PCDHA8: variants seen among roughly 807,000 people sequenced by gnomAD.
PCDHA8 encodes protocadherin alpha-8.
Under a neutral mutation model 61.8 loss-of-function variants are expected in PCDHA8, and 53 were observed. The ratio of observed to expected loss-of-function variants is 0.86; its 90% CI spans 0.69 to 1.08. The LOEUF (loss-of-function observed/expected upper bound fraction) is 1.08. Ranked by LOEUF, PCDHA8 falls within the 50% of genes least tolerant of loss-of-function variation. The pLI is 0.00. For missense variants in PCDHA8, 1,293 were observed against 1,245.0 expected, an observed-to-expected ratio of 1.04 and a Z score of -0.58; for synonymous variants, 618 against 556.6, an observed-to-expected ratio of 1.11 and a Z score of -1.55.
intron 3 of PCDHA8, among the ~76,000 whole-genome samples, chr5:140,983,886 T>C (rs1280409622): frequency 1.3e-5 from 2 of 152,206 alleles, no homozygotes; most frequent in Non-Finnish European, 2.9e-5. Flanking sequence ...CTGGCAACTT[T>C]AAGGGCATTC....
chr5:140,907,365 G>A (rs782137145), intron 1 of PCDHA8, among the ~76,000 whole-genome samples: 20 of 152,178 alleles, frequency 1.3e-4, no homozygotes, highest in African/African-American at 2.4e-4. Flanking sequence ...TTCTTTAGTC[G>A]TAAAGTGAGT....
chr5:140,877,285 G>T lies in PCDHA8; in HGVS notation c.2394+33570G>T, dbSNP rs76220347. 4.6e-3 allele frequency: 7,403 copies of T among 1,613,898 alleles called. 23 individuals carry two copies. Among genetic ancestry groups the T allele is most frequent in the Middle Eastern group, 7.1e-3 (43 of 6,038 alleles). ...GGTGGACGCTGACTCCGGCTATAAC[G>T]CTTGGCTGTCCTACGAGTTGCAACC... On this transcript the variant is annotated intron_variant, in intron 1 of 3. Coordinates refer to ENST00000531613, the MANE Select transcript of PCDHA8 (RefSeq NM_018911.3).
chr5:140,986,625 C>T (rs1312536887), intron 3 of PCDHA8, among the ~76,000 whole-genome samples: 2 of 152,122 alleles, frequency 1.3e-5, no homozygotes, highest in African/African-American at 4.8e-5. Flanking sequence ...TTACCTAAGG[C>T]AACAGTACAT....
intron 1 of PCDHA8, among the ~76,000 whole-genome samples, chr5:140,901,760 G>C (rs909858668): frequency 6.6e-6 from 1 of 152,102 alleles, no homozygotes; most frequent in Admixed American, 6.5e-5. Context: ...TTTTGACAGG[G>C]ATTGCATTGA....
chr5:140,848,370 C>G, intron 1 of PCDHA8: 1 of 1,125,286 alleles, frequency 8.9e-7, no homozygotes, highest in Non-Finnish European at 1.3e-6. Flanking sequence ...GAAAGAGGCT[C>G]AATTCTTTTT....
At chr5:140,967,025 C>G (rs2153750258) in intron 1 of PCDHA8, 1 of 1,608,362 alleles carries the variant, frequency 6.2e-7, no homozygotes, top group Middle Eastern at 1.7e-4. Flanking sequence ...TGCGCCCAGT[C>G]CGCGCTACCT....
At chr5:140,863,243 C>G (rs868910592) in intron 1 of PCDHA8, 1 of 1,351,802 alleles carries the variant, frequency 7.4e-7, no homozygotes, top group Non-Finnish European at 1.0e-6. Context: ...CGGGCTTTGG[C>G]GGGCGTCGAG....
In PCDHA8 at chr5:140,850,297, C is replaced by T. The variant is rs2150478357; in HGVS notation, c.2394+6582C>T. The stretch of plus-strand genomic sequence containing the variant: ...AAGGTGCGCGCAGTGGACGCCGACT[C>T]GGGCTACAACGCGTGGCTTTCATAC... On this transcript the variant is annotated intron_variant, in intron 1 of 3. Coordinates refer to ENST00000531613, the MANE Select transcript of PCDHA8 (RefSeq NM_018911.3). The T allele has an allele frequency of 2.5e-6, 4 of 1,596,320 alleles. No homozygotes were observed. The Admixed American group carries it at 5.1e-5, about 20-fold the overall frequency.
At chr5:140,927,104 C>CA in intron 1 of PCDHA8, 1 of 1,613,722 alleles carries the variant, frequency 6.2e-7, no homozygotes, top group Non-Finnish European at 8.5e-7. Flanking sequence ...GTGGATCTAC[C>CA]CAGCGGCAAT....
chr5:140,927,008 T>C (rs1482906318), intron 1 of PCDHA8: 1 of 1,612,396 alleles, frequency 6.2e-7, no homozygotes, highest in Admixed American at 1.7e-5. Context: ...GTAGGCAATC[T>C]CTCCGCGGAC....
intron 1 of PCDHA8, chr5:140,850,480 C>A: frequency 6.3e-7 from 1 of 1,597,900 alleles, no homozygotes; most frequent in African/African-American, 1.3e-5. Context: ...CTGACGGCCA[C>A]GGCCACTGTG....
intron 1 of PCDHA8, among the ~76,000 whole-genome samples, chr5:140,944,988 G>A (rs1554216650): frequency 6.6e-6 from 1 of 152,048 alleles, no homozygotes; most frequent in Non-Finnish European, 1.5e-5. Flanking sequence ...GTCTACTTCT[G>A]TAACGGTTGT....
At chr5:140,883,376 G>C in intron 1 of PCDHA8, 1 of 1,614,116 alleles carries the variant, frequency 6.2e-7, no homozygotes, top group Non-Finnish European at 8.5e-7. Context: ...CGCCATTATT[G>C]CCCTAATCAG....
chr5:140,926,944 G>A, intron 1 of PCDHA8: 1 of 1,588,324 alleles, frequency 6.3e-7, no homozygotes, highest in Non-Finnish European at 8.6e-7. Flanking sequence ...CTGCGGCGCT[G>A]CAGCGGGACA....
At chr5:140,989,140 C>A (rs2153881117) in intron 3 of PCDHA8, among the ~76,000 whole-genome samples, 1 of 152,290 alleles carries the variant, frequency 6.6e-6, no homozygotes, top group East Asian at 1.9e-4. Context: ...CACTTTATCC[C>A]TTCTTTTGTT....
In PCDHA8 at chr5:141,011,725, TGCAA is replaced by T. The variant is rs1283017882; in HGVS notation, c.*1792_*1795del. 6.5e-6 allele frequency: 1 copy of T among 153,742 alleles called. No individual in the cohort carries two copies. The highest frequency in any genetic ancestry group is 1.5e-5 in the Non-Finnish European group (1 of 68,032). The allele number at this position is 153,742 out of a possible 1,614,324, so 9.5% of individuals were successfully genotyped here. ...ATACTGACAATATTCCATGAGGGTG[TGCAA>T]GCACAAATTTTACCAATCTGACCTC... On this transcript the variant is annotated 3_prime_UTR_variant, in exon 4 of 4. Coordinates refer to ENST00000531613, the MANE Select transcript of PCDHA8 (RefSeq NM_018911.3).
chr5:141,005,118 C>T (rs546410334), intron 3 of PCDHA8, among the ~76,000 whole-genome samples: 1 of 152,198 alleles, frequency 6.6e-6, no homozygotes, highest in South Asian at 2.1e-4. Flanking sequence ...CTTTAGGGAC[C>T]CCAAAAGTGC....
rs1274715970 is a variant in PCDHA8, at chr5:140,849,195, G to A, written c.2394+5480G>A. ...CGTTCAATTACTCATCACGGTACTG[G>A]ACAACAATGACAATGCCCCAGTGTT... On this transcript the variant is annotated intron_variant, in intron 1 of 3. Coordinates refer to ENST00000531613, the MANE Select transcript of PCDHA8 (RefSeq NM_018911.3). The A allele has an allele frequency of 2.4e-5, 25 of 1,038,632 alleles. 3 individuals carry two copies. The highest frequency in any genetic ancestry group is 1.1e-4 in the Admixed American group (4 of 36,524). 64.3% of individuals were successfully genotyped at this position (1,038,632 alleles called of 1,614,324 possible).
intron 1 of PCDHA8, among the ~76,000 whole-genome samples, chr5:140,912,600 T>C (rs2075993093): frequency 6.6e-6 from 1 of 152,156 alleles, no homozygotes; most frequent in African/African-American, 2.4e-5. Context: ...CTTTATTTCT[T>C]CCTCTTGTCT....
Sources: gnomAD v4.1 joint callset for allele counts (sites outside exome capture counted in the v4.1 genomes callset) on GRCh38, gnomAD v4.1.1 for gene constraint, MANE v1.5 for transcripts, NCBI Gene and HGNC (gene_info 2026-07-23, HGNC 2026-07-21) for gene names.